TRHR: variants seen among roughly 807,000 people sequenced by gnomAD.
TRHR encodes the protein thyrotropin releasing hormone receptor, also known as thyrotropin-releasing hormone receptor.
A neutral mutation model predicts 28.0 loss-of-function variants in TRHR; 14 were observed. That is an observed-to-expected ratio of 0.50 (90% CI 0.33 to 0.78). The LOEUF is 0.78. Ranked by LOEUF, TRHR falls within the 30% of genes least tolerant of loss-of-function variation. The pLI is 0.02. For synonymous variants in TRHR, 176 were observed against 171.9 expected (o/e 1.02, Z -0.18); for missense variants, 438 against 469.5 (o/e 0.93, Z 0.62).
Position 109,120,062 on chromosome 8 carries a change from G to T in TRHR, c.*607G>T. 6.6e-6 allele frequency among the ~76,000 whole-genome samples: 1 copy of T among 151,654 alleles called. No individual in the cohort carries two copies. Among genetic ancestry groups the T allele is most frequent in the East Asian group, 1.9e-4 (1 of 5,162 alleles). On this transcript the variant is annotated 3_prime_UTR_variant, in exon 3 of 3. Coordinates refer to ENST00000518632, the MANE Select transcript of TRHR (RefSeq NM_003301.7). Reference sequence around the variant, plus strand: ...TGAGATGATTTTTATATCTTAGAAGGTAGATAATCATCACTCAACTTTAAT... The same window carrying T: ...TGAGATGATTTTTATATCTTAGAAGTTAGATAATCATCACTCAACTTTAAT...
At chr8:109,103,822 C>T (rs770781677) in intron 2 of TRHR, among the ~76,000 whole-genome samples, 1 of 152,160 alleles carries the variant, frequency 6.6e-6, no homozygotes, top group Non-Finnish European at 1.5e-5. Flanking sequence ...TATTAAATCA[C>T]ACCGGGCTCA....
At position 109,088,304 on chromosome 8, in the gene TRHR, A is replaced by G. The variant is rs1563620412; in HGVS notation, c.789+3A>G. 1.9e-6 allele frequency: 3 copies of G among 1,612,998 alleles called. No homozygotes were observed. The highest frequency in any genetic ancestry group is 2.2e-5 in the East Asian group (1 of 44,862). ...GCACAGTATCTTCAAGGAAGCAGGT[A>G]AGCAAAACTGAAACTCCAAGTCAAT... On this transcript the variant is annotated splice_donor_region_variant and intron_variant, in intron 2 of 2. Coordinates refer to ENST00000518632, the MANE Select transcript of TRHR (RefSeq NM_003301.7).
Position 109,120,197 on chromosome 8 carries a change from A to G in TRHR, c.*742A>G, listed in dbSNP as rs1406242646. Among the ~76,000 whole-genome samples, 2 of 151,866 alleles carry G rather than the reference A, an allele frequency of 1.3e-5. No homozygotes were observed. Among genetic ancestry groups the G allele is most frequent in the African/African-American group, 4.8e-5 (2 of 41,402 alleles). On this transcript the variant is annotated 3_prime_UTR_variant, in exon 3 of 3. Transcript: ENST00000518632. ...CAGCCTCCCACATGATGGGTGGAAAAAGGCAAAAGCCCAGATTAAGTAACT... is the reference window on the plus strand; with the variant it reads ...CAGCCTCCCACATGATGGGTGGAAAGAGGCAAAAGCCCAGATTAAGTAACT...
chr8:109,110,528 G>T (rs1174982332), intron 2 of TRHR, among the ~76,000 whole-genome samples: 1 of 151,462 alleles, frequency 6.6e-6, no homozygotes, highest in Non-Finnish European at 1.5e-5. Context: ...AATCAGAATA[G>T]AGCCCAGAAA....
intron 2 of TRHR, among the ~76,000 whole-genome samples, chr8:109,111,762 T>C (rs934033805): frequency 3.3e-5 from 5 of 152,178 alleles, no homozygotes; most frequent in African/African-American, 1.2e-4. Flanking sequence ...TTTTGTGCAG[T>C]ACAGATGAAG....
chr8:109,094,490 C>T (rs1811560542), intron 2 of TRHR, among the ~76,000 whole-genome samples: 1 of 151,978 alleles, frequency 6.6e-6, no homozygotes, highest in African/African-American at 2.4e-5. Flanking sequence ...GTAAATATCT[C>T]TAAGTTCAGG....
Position 109,119,401 on chromosome 8 carries a change from A to G in TRHR, c.1143A>G (p.Lys381=), listed in dbSNP as rs758826808. The G allele has an allele frequency of 2.4e-5, 38 of 1,612,296 alleles. No individual in the cohort carries two copies. Among genetic ancestry groups the G allele is most frequent in the Non-Finnish European group, 3.0e-5 (35 of 1,178,994 alleles). The change falls in exon 3 of 3, where the codon AAA becomes AAG. Residue 381 remains lysine (K), a synonymous_variant. Coordinates refer to ENST00000518632, the MANE Select transcript of TRHR (RefSeq NM_003301.7). ...CTGACACTTACCTGTCTGCCACAAA[A>G]GTGTCTTTTGATGACACCTGCTTGG... ...TVTDTYLSAT[K]VSFDDTCLAS... is the part of the protein sequence containing the mutation.
At chr8:109,092,136 A>C (rs1288311917) in intron 2 of TRHR, among the ~76,000 whole-genome samples, 1 of 152,202 alleles carries the variant, frequency 6.6e-6, no homozygotes, top group East Asian at 1.9e-4. Context: ...AATATGCAGA[A>C]TATTTTATAG....
At chr8:109,105,301 C>T (rs183589050) in intron 2 of TRHR, among the ~76,000 whole-genome samples, 1 of 152,132 alleles carries the variant, frequency 6.6e-6, no homozygotes, top group African/African-American at 2.4e-5. Context: ...CTATTCTCTG[C>T]TTTTTCCCAC....
At chr8:109,095,523 G>T (rs1811575523) in intron 2 of TRHR, among the ~76,000 whole-genome samples, 1 of 152,126 alleles carries the variant, frequency 6.6e-6, no homozygotes, top group Admixed American at 6.5e-5. Context: ...GAGCCAGATT[G>T]TGGTCCTGCT....
intron 2 of TRHR, among the ~76,000 whole-genome samples, chr8:109,113,693 G>C (rs549785552): frequency 6.6e-6 from 1 of 152,160 alleles, no homozygotes; most frequent in Admixed American, 6.6e-5. Flanking sequence ...CTTTGGTGTG[G>C]GGTATATAGA....
chr8:109,107,827 A>G (rs1335303312), intron 2 of TRHR, among the ~76,000 whole-genome samples: 1 of 152,190 alleles, frequency 6.6e-6, no homozygotes, highest in Non-Finnish European at 1.5e-5. Context: ...ATCCTCATGC[A>G]TATATTTTCA....
intron 2 of TRHR, among the ~76,000 whole-genome samples, chr8:109,105,231 A>C (rs755153386): frequency 3.9e-5 from 6 of 152,148 alleles, no homozygotes; most frequent in Non-Finnish European, 5.9e-5. Flanking sequence ...ACCCATTCAA[A>C]AAATGGAAGA....
chr8:109,089,885 A>G (rs947610508), intron 2 of TRHR, among the ~76,000 whole-genome samples: 1 of 152,254 alleles, frequency 6.6e-6, no homozygotes, highest in Non-Finnish European at 1.5e-5. Context: ...TTCCTGCTAT[A>G]CATTTTTAAA....
chr8:109,105,816 G>T lies in TRHR; in HGVS notation c.790-13232G>T, dbSNP rs533224260. Among the ~76,000 whole-genome samples, 3 of 152,258 alleles carry T rather than the reference G, an allele frequency of 2.0e-5. No individual in the cohort carries two copies. In the South Asian group the frequency reaches 6.2e-4, roughly 31 times the overall value. Reference sequence around the variant, plus strand: ...GTTCCCTTATTTATTGACCATGGCTGCTTTCTCACTACACTGGCAGAGCTA... The same window carrying T: ...GTTCCCTTATTTATTGACCATGGCTTCTTTCTCACTACACTGGCAGAGCTA... On this transcript the variant is annotated intron_variant, in intron 2 of 2. Coordinates refer to ENST00000518632, the MANE Select transcript of TRHR (RefSeq NM_003301.7).
chr8:109,107,046 C>T (rs895726117), intron 2 of TRHR, among the ~76,000 whole-genome samples: 5 of 152,102 alleles, frequency 3.3e-5, no homozygotes, highest in African/African-American at 4.8e-5. Flanking sequence ...CTACCACTCT[C>T]CAGAATTATT....
At position 109,119,117 on chromosome 8, in the gene TRHR, G is replaced by A. The variant is rs751442926; in HGVS notation, c.859G>A (p.Val287Ile). 6.2e-7 allele frequency: 1 copy of A among 1,612,858 alleles called. No homozygotes were observed. The highest frequency in any genetic ancestry group is 8.5e-7 in the Non-Finnish European group (1 of 1,179,242). Residue 287 changes from valine to isoleucine, a missense_variant, in exon 3 of 3, where the codon GTT becomes ATT. Val to Ile is a conservative substitution (Grantham distance 29). Transcript: ENST00000518632. Reference sequence around the variant, plus strand: ...ATGGATGCCCTACAGGACTCTAGTGGTTGTCAACTCATTTCTCTCCAGTCC... The same window carrying A: ...ATGGATGCCCTACAGGACTCTAGTGATTGTCAACTCATTTCTCTCCAGTCC... Reference protein sequence around the residue: ...LLWMPYRTLVVVNSFLSSPFQ... With the variant: ...LLWMPYRTLVIVNSFLSSPFQ...
In TRHR at chr8:109,087,916, T is replaced by C. The variant is rs1465823247; in HGVS notation, c.404T>C (p.Phe135Ser). Reference protein sequence around the residue: ...IAICHPIKAQFLCTFSRAKKI... With the variant: ...IAICHPIKAQSLCTFSRAKKI... ...ATCTGTCACCCCATCAAAGCCCAGT[T>C]TCTCTGCACATTTTCCAGAGCCAAA... Residue 135 changes from phenylalanine to serine, a missense_variant, in exon 2 of 3, where the codon TTT becomes TCT. Coordinates refer to ENST00000518632, the MANE Select transcript of TRHR (RefSeq NM_003301.7). 2 of 1,614,210 alleles carry C rather than the reference T, an allele frequency of 1.2e-6. No individual in the cohort carries two copies. The highest frequency in any genetic ancestry group is 8.5e-7 in the Non-Finnish European group (1 of 1,180,030).
At chr8:109,091,028 G>T (rs1811511073) in intron 2 of TRHR, among the ~76,000 whole-genome samples, 1 of 149,104 alleles carries the variant, frequency 6.7e-6, no homozygotes, top group African/African-American at 2.6e-5. Context: ...AACAAAGAAT[G>T]TGAGTGATGA....
Sources: allele counts gnomAD v4.1 joint callset (sites outside exome capture counted in the v4.1 genomes callset), GRCh38; gene constraint gnomAD v4.1.1; transcripts MANE v1.5; gene names NCBI Gene and HGNC (gene_info 2026-07-23, HGNC 2026-07-21).